ELOVL6: variants seen among roughly 807,000 people sequenced by gnomAD.
ELOVL6 encodes the protein ELOVL fatty acid elongase 6.
Under a neutral mutation model 31.7 loss-of-function variants are expected in ELOVL6, and 8 were observed. The observed-to-expected ratio is 0.25, with a 90% confidence interval of 0.15 to 0.45. The LOEUF (loss-of-function observed/expected upper bound fraction) is 0.45. Ranked by LOEUF, ELOVL6 falls within the 20% of genes least tolerant of loss-of-function variation. The pLI is 1.00. For synonymous variants in ELOVL6, 101 were observed against 117.7 expected (o/e 0.86, Z 0.92); for missense variants, 126 against 326.4 (o/e 0.39, Z 4.73).
chr4:110,198,082 C>A lies in ELOVL6; in HGVS notation c.89+165G>T, dbSNP rs868824312. ...GACCTCGCGCTTCATGTACCCCCCC[C>A]CCCCCAGCGTCTCCTGCACCCGGGA... On this transcript the variant is annotated intron_variant, in intron 1 of 3. Transcript: ENST00000302274. 0.04 allele frequency: 23,293 copies of A among 577,706 alleles called. 2,167 individuals carry two copies. Among genetic ancestry groups the A allele is most frequent in the Middle Eastern group, 0.068 (137 of 2,024 alleles). 35.8% of individuals were successfully genotyped at this position (577,706 alleles called of 1,614,324 possible).
intron 1 of ELOVL6, among the ~76,000 whole-genome samples, chr4:110,186,271 G>C (rs1759436712): frequency 6.6e-6 from 1 of 151,948 alleles, no homozygotes; most frequent in Non-Finnish European, 1.5e-5. Context: ...TATTCCTGCT[G>C]ACCACCAACC....
rs746689410 is a variant in ELOVL6, at chr4:110,151,721, G to A, written c.90-46093C>T. 1.2e-4 allele frequency among the ~76,000 whole-genome samples: 18 copies of A among 152,198 alleles called. 1 individual carries two copies. Among genetic ancestry groups the A allele is most frequent in the Admixed American group, 3.9e-4 (6 of 15,286 alleles). On this transcript the variant is annotated intron_variant, in intron 1 of 3. Transcript: ENST00000302274. ...AAAGGCAATCTTGTATCATAAATAA[G>A]AGATGGACTTTTGAATGAGAGATCC...
intron 3 of ELOVL6, among the ~76,000 whole-genome samples, chr4:110,054,033 G>A (rs183726081): frequency 2.6e-5 from 4 of 152,222 alleles, no homozygotes; most frequent in Admixed American, 6.5e-5. Flanking sequence ...CTGGGGAGGC[G>A]GAGGTTGCAG....
At chr4:110,154,380 G>A (rs564354265) in intron 1 of ELOVL6, among the ~76,000 whole-genome samples, 5 of 152,076 alleles carry the variant, frequency 3.3e-5, no homozygotes, top group African/African-American at 9.6e-5. Context: ...CTCAGCCTCC[G>A]AGCAGCTGGG....
chr4:110,119,285 G>A (rs1234096140), intron 1 of ELOVL6, among the ~76,000 whole-genome samples: 1 of 151,156 alleles, frequency 6.6e-6, no homozygotes, highest in East Asian at 1.9e-4. Flanking sequence ...GACAGAGTGC[G>A]TCTCCATCTC....
intron 2 of ELOVL6, among the ~76,000 whole-genome samples, chr4:110,072,676 AC>A (rs1419008709): frequency 6.6e-6 from 1 of 151,820 alleles, no homozygotes; most frequent in Non-Finnish European, 1.5e-5. Context: ...CCAGTGAAAA[AC>A]CCTGGGAGCA....
chr4:110,194,410 G>C (rs746555164), intron 1 of ELOVL6, among the ~76,000 whole-genome samples: 7 of 152,138 alleles, frequency 4.6e-5, no homozygotes, highest in African/African-American at 1.7e-4. Context: ...TTCAAGATGA[G>C]GCCCAGGATG....
intron 2 of ELOVL6, among the ~76,000 whole-genome samples, chr4:110,084,078 A>C (rs1756026491): frequency 1.0e-5 from 1 of 97,874 alleles, no homozygotes; most frequent in Non-Finnish European, 1.8e-5. Context: ...TATATATGCT[A>C]TATATGATAT....
intron 1 of ELOVL6, among the ~76,000 whole-genome samples, chr4:110,158,509 A>G (rs946114797): frequency 1.2e-4 from 18 of 148,612 alleles, no homozygotes; most frequent in African/African-American, 2.7e-4. Flanking sequence ...AAGAACCAGG[A>G]CAAAATTTAA....
At chr4:110,080,454 C>A (rs1343207314) in intron 2 of ELOVL6, among the ~76,000 whole-genome samples, 4 of 152,104 alleles carry the variant, frequency 2.6e-5, no homozygotes, top group Admixed American at 2.6e-4. Context: ...AATCAGTAAA[C>A]GTAATCCAGG....
intron 1 of ELOVL6, among the ~76,000 whole-genome samples, chr4:110,196,909 G>C (rs1039132647): frequency 5.3e-5 from 8 of 152,174 alleles, no homozygotes; most frequent in African/African-American, 1.7e-4. Context: ...AGCGGCGGCC[G>C]GGCCTCCCGA....
chr4:110,154,570 T>C (rs1346961864), intron 1 of ELOVL6, among the ~76,000 whole-genome samples: 1 of 152,214 alleles, frequency 6.6e-6, no homozygotes, highest in Non-Finnish European at 1.5e-5. Context: ...TTATTATTAA[T>C]AGAGACAAGC....
intron 2 of ELOVL6, among the ~76,000 whole-genome samples, chr4:110,066,529 C>T (rs553266816): frequency 2.7e-5 from 4 of 150,664 alleles, no homozygotes; most frequent in Non-Finnish European, 5.9e-5. Flanking sequence ...GTCCCAGCTA[C>T]TCGGGAGGCT....
In ELOVL6 at chr4:110,049,605, T is replaced by C. The variant is rs1224431613; in HGVS notation, c.*1733A>G. ...ACAGTTTTGTTTTGTTTTTTTCTGC[T>C]AGCCAGAAAATGTGTTTCTATTCAT... On this transcript the variant is annotated 3_prime_UTR_variant, in exon 4 of 4. Transcript: ENST00000302274. The C allele has an allele frequency of 1.3e-5, 2 of 152,328 alleles. No homozygotes were observed. The highest frequency in any genetic ancestry group is 2.9e-5 in the Non-Finnish European group (2 of 68,010). 9.4% of individuals were successfully genotyped at this position (152,328 alleles called of 1,614,324 possible). A position where few individuals can be genotyped will look rare whatever the true frequency, so the allele number is the denominator to read the frequency against.
At chr4:110,190,119 T>C (rs1759570553) in intron 1 of ELOVL6, among the ~76,000 whole-genome samples, 1 of 152,102 alleles carries the variant, frequency 6.6e-6, no homozygotes, top group Non-Finnish European at 1.5e-5. Flanking sequence ...AACTGAAATA[T>C]GAATCCCTGT....
intron 2 of ELOVL6, among the ~76,000 whole-genome samples, chr4:110,105,013 T>G (rs1756845638): frequency 6.6e-6 from 1 of 152,004 alleles, no homozygotes; most frequent in Non-Finnish European, 1.5e-5. Context: ...CTTTTGAAGA[T>G]GCAGAGCAAA....
chr4:110,126,561 G>T (rs1015350499), intron 1 of ELOVL6, among the ~76,000 whole-genome samples: 1 of 152,132 alleles, frequency 6.6e-6, no homozygotes, highest in Non-Finnish European at 1.5e-5. Context: ...AATTTAAGAG[G>T]ATTTGAAGGT....
chr4:110,165,378 GC>G (rs1441406940), intron 1 of ELOVL6, among the ~76,000 whole-genome samples: 1 of 152,122 alleles, frequency 6.6e-6, no homozygotes, highest in Non-Finnish European at 1.5e-5. Flanking sequence ...CAACTCCTTA[GC>G]CTGGCTTCCA....
At chr4:110,168,153 G>A (rs1409902533) in intron 1 of ELOVL6, among the ~76,000 whole-genome samples, 7 of 152,118 alleles carry the variant, frequency 4.6e-5, no homozygotes, top group Admixed American at 4.6e-4. Context: ...CCCTTTGAGA[G>A]TAAATCATTT....
Sources: gnomAD v4.1 joint callset for allele counts (sites outside exome capture counted in the v4.1 genomes callset) on GRCh38, gnomAD v4.1.1 for gene constraint, MANE v1.5 for transcripts, NCBI Gene and HGNC (gene_info 2026-07-23, HGNC 2026-07-21) for gene names.